CD164: variants seen among roughly 807,000 people sequenced by gnomAD.
CD164 encodes CD164 molecule, also known as sialomucin core protein 24.
Under a neutral mutation model 24.6 loss-of-function variants are expected in CD164, and 11 were observed. The ratio of observed to expected loss-of-function variants is 0.45; its 90% CI spans 0.28 to 0.74. The LOEUF is 0.74. CD164 is among the 30% of genes least tolerant of loss of function. CD164 has a pLI of 0.13. For missense variants in CD164, 295 were observed against 243.7 expected, an observed-to-expected ratio of 1.21 and a Z score of -1.40; for synonymous variants, 126 against 100.3, an observed-to-expected ratio of 1.26 and a Z score of -1.53.
chr6:109,377,790 T>A, intron 3 of CD164, 110 bp downstream of exon 3: 2 of 767,564 alleles, frequency 2.6e-6, no homozygotes, highest in East Asian at 4.9e-5. Context: ...TCTAACAAGA[T>A]GAGAATTATG....
Position 109,375,942 on chromosome 6 carries a change from G to C in CD164, c.370+132C>G, listed in dbSNP as rs1177068030. ...GTAGAGATTAACGTTAATTGCTGTGGTCCAAGACTTTTAAGTTTTTACTCA... is the reference window on the plus strand; with the variant it reads ...GTAGAGATTAACGTTAATTGCTGTGCTCCAAGACTTTTAAGTTTTTACTCA... On this transcript the variant is annotated intron_variant, in intron 4 of 5. Coordinates refer to ENST00000310786, the MANE Select transcript of CD164 (RefSeq NM_006016.6). 1.0e-5 allele frequency: 7 copies of C among 680,666 alleles called. No homozygotes were observed. In the East Asian group the frequency reaches 2.1e-4, roughly 20 times the overall value. The allele number at this position is 680,666 out of a possible 1,614,324, so 42.2% of individuals were successfully genotyped here.
intron 1 of CD164, 138 bp downstream of exon 1, chr6:109,382,066 G>A: frequency 1.5e-6 from 1 of 676,232 alleles, no homozygotes; most frequent in South Asian, 6.0e-5. Flanking sequence ...CCGCCATGTT[G>A]CCGGAGTCGC....
In CD164 at chr6:109,370,396, A is replaced by C. The variant is rs777483344; in HGVS notation, c.427+15T>G. On this transcript the variant is annotated intron_variant, in intron 5 of 5. Transcript: ENST00000310786. The stretch of plus-strand genomic sequence containing the variant: ...CACATCCTGCATCATTGCTAATCTA[A>C]AAAGCCTCAATTACCTGATGTAGTA... The C allele has an allele frequency of 1.2e-6, 2 of 1,601,562 alleles. No individual in the cohort carries two copies. The highest frequency in any genetic ancestry group is 1.7e-6 in the Non-Finnish European group (2 of 1,168,908).
chr6:109,375,996 ATAAT>A (rs1771385501), intron 4 of CD164, 74 bp downstream of exon 4: 2 of 1,100,972 alleles, frequency 1.8e-6, no homozygotes, highest in South Asian at 3.0e-5. Flanking sequence ...CAACTTTTAC[ATAAT>A]TATTTAAAAC....
rs779668014 is a variant in CD164 at position 109,368,350 on chromosome 6, T to C, written c.*501A>G. 2.8e-5 allele frequency: 43 copies of C among 1,531,462 alleles called. No individual in the cohort carries two copies. The highest frequency in any genetic ancestry group is 2.2e-4 in the South Asian group (18 of 80,830). 94.9% of individuals were successfully genotyped at this position (1,531,462 alleles called of 1,614,324 possible). A position where few individuals can be genotyped will look rare whatever the true frequency, so the allele number is the denominator to read the frequency against. On this transcript the variant is annotated 3_prime_UTR_variant, in exon 6 of 6. Coordinates refer to ENST00000310786, the MANE Select transcript of CD164 (RefSeq NM_006016.6). ...TCTAATGTAGAAAAAACAGCTGTTA[T>C]CAAGCACAAAATTTTAATCTAAGGA...
rs750868720 is a variant in CD164, at chr6:109,368,975, C to A, written c.470G>T (p.Arg157Leu). The stretch of plus-strand genomic sequence containing the variant: ...ACTGGCTGCATCAAAGGTAGACTTT[C>A]GCACAGGTTGTGAGGTTGGAGTCAC... ...NTVTPTSQPV[R>L]KSTFDAASFI... The change falls in exon 6 of 6, where the codon CGA (arginine) becomes CTA (leucine). Residue 157 changes from arginine to leucine, a missense_variant. By Grantham distance (102) the Arg-to-Leu change is moderately radical. Transcript: ENST00000310786. 6.2e-7 allele frequency: 1 copy of A among 1,613,740 alleles called. No homozygotes were observed. The highest frequency in any genetic ancestry group is 2.2e-5 in the East Asian group (1 of 44,880).
intron 4 of CD164, among the ~76,000 whole-genome samples, chr6:109,375,718 C>A (rs1771363689): frequency 6.6e-6 from 1 of 151,710 alleles, no homozygotes. Context: ...ATAAAAAAGA[C>A]TAGAAGAAAT....
At position 109,368,072 on chromosome 6, in the gene CD164, A is replaced by G. The variant is rs535441839; in HGVS notation, c.*779T>C. 4 of 392,774 alleles carry G rather than the reference A, an allele frequency of 1.0e-5. No homozygotes were observed. The highest frequency in any genetic ancestry group is 6.2e-5 in the African/African-American group (3 of 48,068). 24.3% of individuals were successfully genotyped at this position (392,774 alleles called of 1,614,324 possible). On this transcript the variant is annotated 3_prime_UTR_variant, in exon 6 of 6. Transcript: ENST00000310786. ...TTTTCAATAAAATATTAACAGTATGATATCTAAAACAGGTTTACTACTGCT... is the reference window on the plus strand; with the variant it reads ...TTTTCAATAAAATATTAACAGTATGGTATCTAAAACAGGTTTACTACTGCT...
At chr6:109,369,591 A>G (rs922782353) in intron 5 of CD164, among the ~76,000 whole-genome samples, 4 of 152,216 alleles carry the variant, frequency 2.6e-5, no homozygotes, top group African/African-American at 9.6e-5. Flanking sequence ...AGGCAGTAAA[A>G]TGTTTCAAGA....
intron 4 of CD164, chr6:109,372,468 G>A (rs1771134117): frequency 6.6e-6 from 1 of 152,148 alleles, no homozygotes; most frequent in East Asian, 1.9e-4. Flanking sequence ...CTACTTAGAA[G>A]CTAATAGGTG....
rs899963442 is a variant in CD164 at position 109,381,527 on chromosome 6, G to C, written c.175+677C>G. The stretch of plus-strand genomic sequence containing the variant: ...ACCTTCCAGTTTAGCCTTAGGATAC[G>C]TACGCAAAACACCCGGTACATACAT... On this transcript the variant is annotated intron_variant, in intron 1 of 5. Transcript: ENST00000310786. 3 of 702,464 alleles carry C rather than the reference G, an allele frequency of 4.3e-6. No individual in the cohort carries two copies. The African/African-American group carries it at 5.2e-5, about 12-fold the overall frequency. 43.5% of individuals were successfully genotyped at this position (702,464 alleles called of 1,614,324 possible). A position where few individuals can be genotyped will look rare whatever the true frequency, so the allele number is the denominator to read the frequency against.
intron 4 of CD164, chr6:109,372,503 T>G (rs1036645101): frequency 6.6e-6 from 1 of 152,216 alleles, no homozygotes; most frequent in Admixed American, 6.5e-5. Flanking sequence ...CTGATGGATA[T>G]GTTCAGACCC....
At chr6:109,371,766 A>G (rs1771085818) in intron 4 of CD164, 1 of 153,592 alleles carries the variant, frequency 6.5e-6, no homozygotes, top group African/African-American at 2.4e-5. Context: ...TGGAAAGTGC[A>G]CTATAGGAGT....
Position 109,368,596 on chromosome 6 carries a change from A to C in CD164, c.*255T>G. On this transcript the variant is annotated 3_prime_UTR_variant, in exon 6 of 6. Coordinates refer to ENST00000310786, the MANE Select transcript of CD164 (RefSeq NM_006016.6). ...TTGGCATGTTAAGGAAAAAAAATATAATCCCACAGCAGCAGCTATTTAAAA... is the reference window on the plus strand; with the variant it reads ...TTGGCATGTTAAGGAAAAAAAATATCATCCCACAGCAGCAGCTATTTAAAA... 7.4e-7 allele frequency: 1 copy of C among 1,346,312 alleles called. No individual in the cohort carries two copies. The highest frequency in any genetic ancestry group is 9.5e-7 in the Non-Finnish European group (1 of 1,054,812). The allele number at this position is 1,346,312 out of a possible 1,614,324, so 83.4% of individuals were successfully genotyped here.
At chr6:109,377,999 A>G (rs1771516632) in intron 2 of CD164, 28 bp from the exon 3 acceptor site, 1 of 1,546,070 alleles carries the variant, frequency 6.5e-7, no homozygotes, top group Non-Finnish European at 8.9e-7. Context: ...AAAAGAGACA[A>G]ACAGCATCAA....
At chr6:109,370,390 A>G (rs1771010750) in intron 5 of CD164, 21 bp downstream of exon 5, 2 of 1,585,660 alleles carry the variant, frequency 1.3e-6, no homozygotes, top group African/African-American at 1.3e-5. Flanking sequence ...CATCATTGCT[A>G]ATCTAAAAAG....
chr6:109,373,971 T>C (rs895342353), intron 4 of CD164, among the ~76,000 whole-genome samples: 2 of 152,182 alleles, frequency 1.3e-5, no homozygotes, highest in African/African-American at 4.8e-5. Context: ...TGCGTAAGTG[T>C]TTCAAGATGA....
At chr6:109,370,808 A>C (rs964736006) in intron 4 of CD164, 22 of 205,214 alleles carry the variant, frequency 1.1e-4, no homozygotes, top group Non-Finnish European at 1.7e-4. Flanking sequence ...GGTTCTTCAT[A>C]ATCTTTCTCC....
intron 4 of CD164, chr6:109,370,769 G>T: frequency 3.9e-6 from 1 of 256,692 alleles, no homozygotes. Flanking sequence ...CACTGCCAAG[G>T]GCAAGAACAT....
Sources: gnomAD v4.1 joint callset for allele counts (sites outside exome capture counted in the v4.1 genomes callset) on GRCh38, gnomAD v4.1.1 for gene constraint, MANE v1.5 for transcripts, NCBI Gene and HGNC (gene_info 2026-07-23, HGNC 2026-07-21) for gene names.